The following LMBR1 variants were observed in gnomAD, a reference collection of about 807,000 sequenced individuals.
LMBR1 encodes the protein limb development membrane protein 1.
Under a neutral mutation model 73.9 loss-of-function variants are expected in LMBR1, and 52 were observed. That is an observed-to-expected ratio of 0.70 (90% confidence interval 0.56 to 0.89). The LOEUF is 0.89. LMBR1 is among the 40% of genes least tolerant of loss of function. LMBR1 has a pLI of 0.00. For missense variants in LMBR1, 539 were observed against 579.8 expected (o/e 0.93, Z 0.72); for synonymous variants, 215 against 209.4 (o/e 1.03, Z -0.23).
chr7:156,758,024 G>C (rs761451230), intron 8 of LMBR1, among the ~76,000 whole-genome samples: 3 of 152,210 alleles, frequency 2.0e-5, no homozygotes, highest in Non-Finnish European at 2.9e-5. Flanking sequence ...GAGGAAGAAA[G>C]GAATAGGAAG....
intron 9 of LMBR1, among the ~76,000 whole-genome samples, chr7:156,735,441 T>C (rs1201150811): frequency 2.0e-5 from 3 of 151,938 alleles, no homozygotes; most frequent in East Asian, 3.9e-4. Flanking sequence ...GTTTCTCTAA[T>C]GGTGGATCTT....
rs1360414524 is a variant in LMBR1, at chr7:156,802,208, CCT to C, written c.320-5718_320-5717del. Among the ~76,000 whole-genome samples the C allele has an allele frequency of 8.5e-5, 13 of 152,306 alleles. No homozygotes were observed. In the East Asian group the frequency reaches 2.3e-3, roughly 27 times the overall value. ...ATGTTGGCTGGGCTGCTCTTGAACC[CCT>C]GACCTCAGGTGATCCACTCGCTTCG... On this transcript the variant is annotated intron_variant, in intron 4 of 16. Coordinates refer to ENST00000353442, the MANE Select transcript of LMBR1 (RefSeq NM_022458.4).
At chr7:156,756,249 G>T in intron 9 of LMBR1, 144 bp downstream of exon 9, 1 of 546,496 alleles carries the variant, frequency 1.8e-6, no homozygotes, top group South Asian at 2.2e-5. Flanking sequence ...CTTCACCAGG[G>T]AAGTTCTTTT....
chr7:156,719,310 C>G (rs1407718053), intron 15 of LMBR1, among the ~76,000 whole-genome samples: 1 of 152,062 alleles, frequency 6.6e-6, no homozygotes, highest in Non-Finnish European at 1.5e-5. Context: ...AGGACATGAA[C>G]TCATCATTTC....
Position 156,756,396 on chromosome 7 carries a change from T to G in LMBR1, c.754A>C (p.Asn252His). Residue 252 changes from asparagine to histidine, a missense_variant, in exon 9 of 17, where the codon AAT becomes CAT. Physicochemically the swap from Asn to His is moderately conservative, Grantham distance 68. Transcript: ENST00000353442. ...LEEEALQRRL[N>H]GLSSSVEYNI... ...TAAATATGTAATATAAACATACCATTTAGTCGTCTCTGGAGTGCTTCTTCC... is the reference window on the plus strand; with the variant it reads ...TAAATATGTAATATAAACATACCATGTAGTCGTCTCTGGAGTGCTTCTTCC... 7.1e-7 allele frequency: 1 copy of G among 1,415,450 alleles called. No individual in the cohort carries two copies. Among genetic ancestry groups the G allele is most frequent in the Non-Finnish European group, 9.9e-7 (1 of 1,007,000 alleles). The allele number at this position is 1,415,450 out of a possible 1,614,324, so 87.7% of individuals were successfully genotyped here. A position where few individuals can be genotyped will look rare whatever the true frequency, so the allele number is the denominator to read the frequency against.
intron 15 of LMBR1, among the ~76,000 whole-genome samples, chr7:156,692,337 A>G (rs1807387608): frequency 6.6e-6 from 1 of 152,220 alleles, no homozygotes. Context: ...TGGACCTCCC[A>G]AAGTGCTGGG....
At chr7:156,819,102 C>G (rs1444005181) in intron 4 of LMBR1, among the ~76,000 whole-genome samples, 3 of 152,162 alleles carry the variant, frequency 2.0e-5, no homozygotes, top group Non-Finnish European at 2.9e-5. Context: ...ATTTTTCAAG[C>G]TATTTTCTCA....
chr7:156,794,948 T>A (rs565802923), intron 5 of LMBR1, among the ~76,000 whole-genome samples: 1 of 152,198 alleles, frequency 6.6e-6, no homozygotes, highest in African/African-American at 2.4e-5. Context: ...TGAAAAAAAA[T>A]TATTTTCAAA....
chr7:156,850,729 C>CACAAGGATGTATATAT (rs1796120234), intron 1 of LMBR1, among the ~76,000 whole-genome samples: 6 of 152,040 alleles, frequency 3.9e-5, no homozygotes, highest in African/African-American at 1.5e-4. Flanking sequence ...TGTATACCCA[C>CACAAGGATGTATATAT]ACAAGGATGT....
chr7:156,815,568 T>C (rs180725526), intron 4 of LMBR1, among the ~76,000 whole-genome samples: 1 of 152,300 alleles, frequency 6.6e-6, no homozygotes, highest in East Asian at 1.9e-4. Context: ...CACATCCCTG[T>C]ATCATACAGT....
chr7:156,828,123 A>T (rs960644167), intron 3 of LMBR1, among the ~76,000 whole-genome samples: 2 of 152,152 alleles, frequency 1.3e-5, no homozygotes, highest in African/African-American at 4.8e-5. Context: ...TCAAATCCAA[A>T]ATCTCACCAT....
chr7:156,773,605 T>C (rs530584965), intron 5 of LMBR1, among the ~76,000 whole-genome samples: 56 of 152,258 alleles, frequency 3.7e-4, no homozygotes, highest in Admixed American at 2.7e-3. Context: ...GGGGAAAGGA[T>C]TCCCTCTTCA....
chr7:156,684,948 C>G (rs897146564), intron 16 of LMBR1, among the ~76,000 whole-genome samples: 4 of 151,948 alleles, frequency 2.6e-5, no homozygotes, highest in African/African-American at 7.3e-5. Context: ...CAGAGGAGAC[C>G]CTGTCTCAAA....
At chr7:156,737,950 G>C (rs182750796) in intron 9 of LMBR1, among the ~76,000 whole-genome samples, 2 of 152,140 alleles carry the variant, frequency 1.3e-5, no homozygotes, top group African/African-American at 4.8e-5. Flanking sequence ...TCTACCGATT[G>C]TCCCTGCTGC....
intron 1 of LMBR1, among the ~76,000 whole-genome samples, chr7:156,888,795 C>A (rs1397757717): frequency 6.6e-6 from 1 of 152,140 alleles, no homozygotes; most frequent in Non-Finnish European, 1.5e-5. Flanking sequence ...TGGCTCACAC[C>A]TGTAATCCCA....
At chr7:156,837,406 A>C (rs1008664589) in intron 1 of LMBR1, among the ~76,000 whole-genome samples, 3 of 150,144 alleles carry the variant, frequency 2.0e-5, no homozygotes, top group Non-Finnish European at 4.4e-5. Flanking sequence ...ATTTAATACC[A>C]TTTGAAAAAA....
chr7:156,695,461 G>A (rs572646450), intron 15 of LMBR1, among the ~76,000 whole-genome samples: 7 of 152,166 alleles, frequency 4.6e-5, no homozygotes, highest in Admixed American at 1.3e-4. Flanking sequence ...TTCTGGGGAG[G>A]TCTAAGGAAA....
In LMBR1 at chr7:156,724,165, C is replaced by A. The variant is rs1815209458; in HGVS notation, c.1172G>T (p.Cys391Phe). The A allele has an allele frequency of 6.2e-7, 1 of 1,610,594 alleles. No homozygotes were observed. The highest frequency in any genetic ancestry group is 8.5e-7 in the Non-Finnish European group (1 of 1,178,124). ...AGAGCTCAAAACCAAGATGGACACA[C>A]AATTTCCAATGATCTGTTATGAGAA... Reference protein sequence around the residue: ...DTTMTKIIGNCVSILVLSSAL... With the variant: ...DTTMTKIIGNFVSILVLSSAL... Residue 391 changes from cysteine (C) to phenylalanine (F), a missense_variant, in exon 15 of 17, where the codon TGT becomes TTT. Physicochemically the swap from Cys to Phe is radical, Grantham distance 205. Transcript: ENST00000353442.
At chr7:156,715,402 C>A (rs554336691) in intron 15 of LMBR1, among the ~76,000 whole-genome samples, 2 of 152,220 alleles carry the variant, frequency 1.3e-5, no homozygotes, top group Admixed American at 6.5e-5. Context: ...TGGAATCGTA[C>A]AATATAACAA....
Sources: gnomAD v4.1 joint callset for allele counts (sites outside exome capture counted in the v4.1 genomes callset) on GRCh38, gnomAD v4.1.1 for gene constraint, MANE v1.5 for transcripts, NCBI Gene and HGNC (gene_info 2026-07-23, HGNC 2026-07-21) for gene names.